The following ZC3H8 variants were observed in gnomAD, a reference collection of about 807,000 sequenced individuals.
ZC3H8 encodes the protein zinc finger CCCH-type containing 8, also known as zinc finger CCCH domain-containing protein 8.
ZC3H8 carries 27 observed loss-of-function variants against 42.5 expected under a neutral mutation model. The ratio of observed to expected loss-of-function variants is 0.64; its 90% CI spans 0.47 to 0.88. ZC3H8 has a LOEUF of 0.88. Among genes scored for constraint, ZC3H8 ranks in the 40% least tolerant of loss-of-function variants. The pLI is 0.00. For synonymous variants in ZC3H8, 101 were observed against 110.1 expected (o/e 0.92, Z 0.52); for missense variants, 277 against 336.1 (o/e 0.82, Z 1.37).
rs758177829 is a variant in ZC3H8 at position 112,236,703 on chromosome 2, C to CA, written c.371-9dup. 6.3e-7 allele frequency: 1 copy of CA among 1,594,200 alleles called. No individual in the cohort carries two copies. The highest frequency in any genetic ancestry group is 8.5e-7 in the Non-Finnish European group (1 of 1,170,462). Reference sequence around the variant, plus strand: ...TATTTTTTTGTTTAGCAGCTAAAAACAAAAAATTAATTTAAAAAATGACAT... The same window carrying CA: ...TATTTTTTTGTTTAGCAGCTAAAAACAAAAAAATTAATTTAAAAAATGACAT... On this transcript the variant is annotated splice_polypyrimidine_tract_variant and intron_variant, in intron 3 of 8. Coordinates refer to ENST00000409573, the MANE Select transcript of ZC3H8 (RefSeq NM_032494.3).
At position 112,231,919 on chromosome 2, in the gene ZC3H8, T is replaced by C. The variant is rs1685110183; in HGVS notation, c.762A>G (p.Thr254=). ...HNEYPCKFYH[T]GTKCYQGEYC... ...ATTCTCCCTGATAACATTTTGTTCCTGTATGGTAAAACTTACAAGGATATT... is the reference window on the plus strand; with the variant it reads ...ATTCTCCCTGATAACATTTTGTTCCCGTATGGTAAAACTTACAAGGATATT... Residue 254 remains threonine (T), a synonymous_variant, in exon 7 of 9, where the codon ACA becomes ACG. Coordinates refer to ENST00000409573, the MANE Select transcript of ZC3H8 (RefSeq NM_032494.3). 2 of 1,584,570 alleles carry C rather than the reference T, an allele frequency of 1.3e-6. No homozygotes were observed. The highest frequency in any genetic ancestry group is 1.2e-5 in the South Asian group (1 of 86,398).
chr2:112,217,599 C>T (rs1316494338), intron 8 of ZC3H8, among the ~76,000 whole-genome samples: 1 of 152,168 alleles, frequency 6.6e-6, no homozygotes, highest in Non-Finnish European at 1.5e-5. Context: ...AGATCTTCCA[C>T]ATGTTTCATT....
chr2:112,238,648 T>C (rs1685451972), intron 2 of ZC3H8, 120 bp from the exon 3 acceptor site: 1 of 728,920 alleles, frequency 1.4e-6, no homozygotes, highest in South Asian at 1.9e-5. Context: ...AATAGGTACA[T>C]GGGATTCATA....
At chr2:112,230,704 T>C (rs1316944702) in intron 8 of ZC3H8, 199 bp downstream of exon 8, 1 of 245,048 alleles carries the variant, frequency 4.1e-6, no homozygotes, top group East Asian at 1.4e-4. Flanking sequence ...AAAATATACC[T>C]GATAGACAAG....
At chr2:112,253,003 A>G (rs770702870) in intron 1 of ZC3H8, among the ~76,000 whole-genome samples, 23 of 152,132 alleles carry the variant, frequency 1.5e-4, no homozygotes, top group Admixed American at 5.2e-4. Context: ...GCGTGGTGGC[A>G]GGCGCCTGTA....
intron 2 of ZC3H8, among the ~76,000 whole-genome samples, chr2:112,239,179 A>G (rs1309088754): frequency 6.6e-6 from 1 of 152,240 alleles, no homozygotes; most frequent in Non-Finnish European, 1.5e-5. Flanking sequence ...GAACCCAGGC[A>G]TGGGAGCTAA....
At chr2:112,222,097 A>C (rs1356973518) in intron 8 of ZC3H8, among the ~76,000 whole-genome samples, 1 of 151,832 alleles carries the variant, frequency 6.6e-6, no homozygotes, top group Non-Finnish European at 1.5e-5. Context: ...GGATCAGTTG[A>C]CTGGCTTAGA....
At chr2:112,227,785 C>A (rs1225347500) in intron 8 of ZC3H8, among the ~76,000 whole-genome samples, 3 of 151,522 alleles carry the variant, frequency 2.0e-5, no homozygotes, top group African/African-American at 4.8e-5. Flanking sequence ...TACACTTGTA[C>A]AGTGAAAATT....
chr2:112,223,110 G>T (rs540874502), intron 8 of ZC3H8, among the ~76,000 whole-genome samples: 132 of 152,154 alleles, frequency 8.7e-4, no homozygotes, highest in African/African-American at 2.9e-3. Context: ...GGCCTGTCGT[G>T]GGGTGGGGGA....
chr2:112,219,384 A>C (rs1298740119), intron 8 of ZC3H8, among the ~76,000 whole-genome samples: 1 of 152,220 alleles, frequency 6.6e-6, no homozygotes, highest in African/African-American at 2.4e-5. Flanking sequence ...TCCTCATGCA[A>C]AACAGTGAAG....
At position 112,231,868 on chromosome 2, in the gene ZC3H8, C is replaced by T. The variant is rs776830085; in HGVS notation, c.813G>A (p.Leu271=). 1 of 1,593,366 alleles carries T rather than the reference C, an allele frequency of 6.3e-7. No individual in the cohort carries two copies. Among genetic ancestry groups the T allele is most frequent in the Admixed American group, 1.7e-5 (1 of 59,346 alleles). The change falls in exon 7 of 9, where the codon CTG becomes CTA. Residue 271 remains leucine (L), a synonymous_variant. Transcript: ENST00000409573. Reference sequence around the variant, plus strand: ...CCAACAATTCTTGTGTTTCAGGAGTCAGTGGAGCATGAGAAAACTTGCAGT... The same window carrying T: ...CCAACAATTCTTGTGTTTCAGGAGTTAGTGGAGCATGAGAAAACTTGCAGT... The part of the protein sequence containing the change: ...GEYCKFSHAP[L]TPETQELLAK...
At position 112,234,507 on chromosome 2, in the gene ZC3H8, A is replaced by T. The variant is rs932988653; in HGVS notation, c.505-271T>A. 1.4e-4 allele frequency among the ~76,000 whole-genome samples: 22 copies of T among 152,026 alleles called. 1 individual carries two copies. The highest frequency in any genetic ancestry group is 3.1e-4 in the African/African-American group (13 of 41,432). On this transcript the variant is annotated intron_variant, in intron 4 of 8. Coordinates refer to ENST00000409573, the MANE Select transcript of ZC3H8 (RefSeq NM_032494.3). ...TATTTTGTAAAAATGAATGAAAAAA[A>T]TTTTTTAAATGGGCCAGACACAGTG... is the stretch of plus-strand genomic sequence containing the variant.
intron 3 of ZC3H8, 28 bp downstream of exon 3, chr2:112,238,287 T>G: frequency 6.2e-7 from 1 of 1,603,044 alleles, no homozygotes; most frequent in South Asian, 1.1e-5. Flanking sequence ...TAGATAAACT[T>G]TAAATGATAA....
At chr2:112,233,104 A>G (rs1685163248) in intron 6 of ZC3H8, among the ~76,000 whole-genome samples, 156 bp downstream of exon 6, 1 of 152,206 alleles carries the variant, frequency 6.6e-6, no homozygotes, top group Non-Finnish European at 1.5e-5. Flanking sequence ...TTGCTTATGA[A>G]AAAATCCACG....
At chr2:112,222,284 G>A (rs1475584490) in intron 8 of ZC3H8, among the ~76,000 whole-genome samples, 1 of 152,068 alleles carries the variant, frequency 6.6e-6, no homozygotes, top group Admixed American at 6.6e-5. Flanking sequence ...TTTACTTCCT[G>A]AGTAAACACG....
In ZC3H8 at chr2:112,237,759, G is replaced by C. The variant is rs773612059; in HGVS notation, c.370+556C>G. Among the ~76,000 whole-genome samples the C allele has an allele frequency of 3.3e-5, 5 of 151,512 alleles. No homozygotes were observed. In the South Asian group the frequency reaches 6.2e-4, roughly 19 times the overall value. ...CCCTGATACTTTTTTTTATTTTTAGGTTTCACCATGTTGGCCAGGCTGGTC... is the reference window on the plus strand; with the variant it reads ...CCCTGATACTTTTTTTTATTTTTAGCTTTCACCATGTTGGCCAGGCTGGTC... On this transcript the variant is annotated intron_variant, in intron 3 of 8. Coordinates refer to ENST00000409573, the MANE Select transcript of ZC3H8 (RefSeq NM_032494.3).
intron 8 of ZC3H8, among the ~76,000 whole-genome samples, chr2:112,227,457 C>T (rs752321974): frequency 7.9e-5 from 12 of 152,082 alleles, no homozygotes; most frequent in Non-Finnish European, 1.8e-4. Flanking sequence ...CCCGCAAGGC[C>T]GCGGTTGCAG....
intron 1 of ZC3H8, among the ~76,000 whole-genome samples, chr2:112,253,724 A>C (rs563990976): frequency 6.6e-6 from 1 of 152,190 alleles, no homozygotes; most frequent in Non-Finnish European, 1.5e-5. Flanking sequence ...CACACTTTGA[A>C]ACTGATAGCT....
At chr2:112,247,274 T>G (rs1353436749) in intron 2 of ZC3H8, among the ~76,000 whole-genome samples, 2 of 152,272 alleles carry the variant, frequency 1.3e-5, no homozygotes, top group South Asian at 2.1e-4. Flanking sequence ...ACCTGGGTAT[T>G]CTCTTTTAAA....
Sources: gnomAD v4.1 joint callset for allele counts (sites outside exome capture counted in the v4.1 genomes callset) on GRCh38, gnomAD v4.1.1 for gene constraint, MANE v1.5 for transcripts, NCBI Gene and HGNC (gene_info 2026-07-23, HGNC 2026-07-21) for gene names.